The following NFIB variants were observed in gnomAD, a reference collection of about 807,000 sequenced individuals.
NFIB encodes the protein nuclear factor I B, also known as nuclear factor 1 B-type.
A neutral mutation model predicts 61.5 loss-of-function variants in NFIB; 11 were observed. The ratio of observed to expected loss-of-function variants is 0.18; its 90% CI spans 0.11 to 0.30. The LOEUF is 0.30. NFIB is among the 10% of genes least tolerant of loss of function. The pLI, the probability that NFIB is intolerant of heterozygous loss-of-function variation, is 1.00. For missense variants in NFIB, 471 were observed against 608.9 expected, an observed-to-expected ratio of 0.77 and a Z score of 2.38; for synonymous variants, 260 against 216.5, an observed-to-expected ratio of 1.20 and a Z score of -1.76.
At chr9:14,395,703 A>G (rs1326224984) in intron 1 of NFIB, among the ~76,000 whole-genome samples, 1 of 118,412 alleles carries the variant, frequency 8.4e-6, no homozygotes, top group Non-Finnish European at 1.7e-5. Flanking sequence ...ATCCCTCCTC[A>G]TCCCCCTCCC....
chr9:14,195,152 C>T (rs1307236053), intron 2 of NFIB, among the ~76,000 whole-genome samples: 2 of 151,830 alleles, frequency 1.3e-5, no homozygotes, highest in African/African-American at 4.9e-5. Flanking sequence ...GACCAATCAA[C>T]TGGCAAAAGA....
intron 2 of NFIB, among the ~76,000 whole-genome samples, chr9:14,285,941 G>A (rs570738665): frequency 2.6e-5 from 4 of 152,116 alleles, no homozygotes; most frequent in Non-Finnish European, 5.9e-5. Flanking sequence ...AAGTTATACA[G>A]TTAAAAAATG....
intron 2 of NFIB, among the ~76,000 whole-genome samples, chr9:14,209,821 T>A (rs1244108372): frequency 1.3e-5 from 2 of 152,072 alleles, no homozygotes; most frequent in Non-Finnish European, 2.9e-5. Context: ...TGGGTAAACT[T>A]GCCCACTGTG....
At chr9:14,244,646 G>T (rs568591515) in intron 2 of NFIB, among the ~76,000 whole-genome samples, 2 of 152,038 alleles carry the variant, frequency 1.3e-5, no homozygotes, top group Admixed American at 6.5e-5. Flanking sequence ...CTTATTAGCC[G>T]TTGGCCTTAG....
At chr9:14,487,127 G>A in the NFIB span, among the ~76,000 whole-genome samples, 2 of 152,104 alleles carry the variant, frequency 1.3e-5, no homozygotes, top group Non-Finnish European at 1.5e-5. Context: ...CCTGAAAGAC[G>A]TCTTCCAATT....
the NFIB span, among the ~76,000 whole-genome samples, chr9:14,499,983 T>C: frequency 9.8e-5 from 15 of 152,302 alleles, no homozygotes; most frequent in Admixed American, 9.8e-4. Flanking sequence ...AAATAACAGA[T>C]ACAAAGCTTC....
intron 2 of NFIB, among the ~76,000 whole-genome samples, chr9:14,254,193 C>G (rs2055961514): frequency 6.6e-6 from 1 of 151,848 alleles, no homozygotes. Context: ...CCCAGCTACT[C>G]AAGTGGCTGA....
rs1169685615 is a variant in NFIB at position 14,087,796 on chromosome 9, T to C, written c.*513A>G. 3 of 220,832 alleles carry C rather than the reference T, an allele frequency of 1.4e-5. No individual in the cohort carries two copies. Among genetic ancestry groups the C allele is most frequent in the African/African-American group, 2.2e-5 (1 of 44,628 alleles). 13.7% of individuals were successfully genotyped at this position (220,832 alleles called of 1,614,324 possible). ...CTCTGACGCCGCCTCCTAGCCTTCG[T>C]TGGTGAGATAACCAGGAATAGTGAT... On this transcript the variant is annotated 3_prime_UTR_variant, in exon 11 of 11. Coordinates refer to ENST00000380953, the MANE Select transcript of NFIB (RefSeq NM_001190737.2).
At chr9:14,245,991 G>T (rs1412554685) in intron 2 of NFIB, among the ~76,000 whole-genome samples, 1 of 151,910 alleles carries the variant, frequency 6.6e-6, no homozygotes, top group East Asian at 1.9e-4. Flanking sequence ...CACTCTAGAG[G>T]AGTGTTTTGA....
At chr9:14,413,523 G>T in the NFIB span, among the ~76,000 whole-genome samples, 319 of 152,192 alleles carry the variant, frequency 2.1e-3, no homozygotes, top group Non-Finnish European at 3.5e-3. Context: ...GAGTCTCAGG[G>T]TTTTTTATCT....
At chr9:14,263,169 T>C (rs904127206) in intron 2 of NFIB, among the ~76,000 whole-genome samples, 2 of 152,172 alleles carry the variant, frequency 1.3e-5, no homozygotes, top group African/African-American at 4.8e-5. Flanking sequence ...TAACATGATT[T>C]TGTTATTTGT....
chr9:14,398,107 G>C (rs1035887843), intron 1 of NFIB, among the ~76,000 whole-genome samples: 1 of 151,932 alleles, frequency 6.6e-6, no homozygotes, highest in African/African-American at 2.4e-5. Flanking sequence ...TTTTTTAAGG[G>C]CTTAGAGTGG....
chr9:14,377,832 C>A (rs1324893854), intron 1 of NFIB, among the ~76,000 whole-genome samples: 2 of 152,122 alleles, frequency 1.3e-5, no homozygotes, highest in Non-Finnish European at 1.5e-5. Flanking sequence ...AGGTGAAAGC[C>A]TGAATAAAAG....
intron 2 of NFIB, among the ~76,000 whole-genome samples, chr9:14,229,550 G>C (rs1217139895): frequency 1.3e-5 from 2 of 151,936 alleles, no homozygotes; most frequent in East Asian, 3.9e-4. Flanking sequence ...TGTATGTAAA[G>C]TTTGTGGCAC....
chr9:14,187,632 GA>G (rs1483117018), intron 2 of NFIB, among the ~76,000 whole-genome samples: 3 of 152,016 alleles, frequency 2.0e-5, no homozygotes, highest in African/African-American at 7.2e-5. Context: ...TTCTTTTAAA[GA>G]GCCACTTTTT....
At chr9:14,479,074 T>C in the NFIB span, among the ~76,000 whole-genome samples, 1 of 152,134 alleles carries the variant, frequency 6.6e-6, no homozygotes, top group African/African-American at 2.4e-5. Context: ...CTAAACCCAC[T>C]GCAAATCTAC....
intron 1 of NFIB, among the ~76,000 whole-genome samples, chr9:14,390,824 C>T (rs1449297187): frequency 6.6e-6 from 1 of 152,192 alleles, no homozygotes; most frequent in East Asian, 1.9e-4. Flanking sequence ...TCTGGGGCTT[C>T]CTGGCCTCCA....
At chr9:14,334,171 T>C (rs2060856279) in intron 1 of NFIB, among the ~76,000 whole-genome samples, 1 of 152,234 alleles carries the variant, frequency 6.6e-6, no homozygotes, top group Non-Finnish European at 1.5e-5. Flanking sequence ...AATGGAGATA[T>C]GAACATTGTC....
intron 2 of NFIB, among the ~76,000 whole-genome samples, chr9:14,235,562 CT>C (rs1445784589): frequency 6.6e-6 from 1 of 152,196 alleles, no homozygotes; most frequent in Non-Finnish European, 1.5e-5. Context: ...TTATATGTCA[CT>C]TACCTAAGTC....
Sources: gnomAD v4.1 joint callset for allele counts (sites outside exome capture counted in the v4.1 genomes callset) on GRCh38, gnomAD v4.1.1 for gene constraint, MANE v1.5 for transcripts, NCBI Gene and HGNC (gene_info 2026-07-23, HGNC 2026-07-21) for gene names.